The following ANO10 variants were observed in gnomAD, a reference collection of about 807,000 sequenced individuals.
The protein encoded by ANO10 is anoctamin 10.
Under a neutral mutation model 74.7 loss-of-function variants are expected in ANO10, and 77 were observed. The ratio of observed to expected loss-of-function variants is 1.03; its 90% CI spans 0.86 to 1.25. The LOEUF is 1.25. Ranked by LOEUF, ANO10 falls within the 50% of genes most tolerant of loss-of-function variation. The probability of loss-of-function intolerance (pLI) is 0.00; values close to 1 mark genes in which losing one functional copy is unlikely to be tolerated. For missense variants in ANO10, 721 were observed against 778.1 expected (o/e 0.93, Z 0.87); for synonymous variants, 279 against 284.9 (o/e 0.98, Z 0.21).
chr3:43,656,741 C>G (rs2149571108), intron 1 of ANO10, among the ~76,000 whole-genome samples: 2 of 152,370 alleles, frequency 1.3e-5, no homozygotes, highest in African/African-American at 4.8e-5. Context: ...GCCAAGCCCA[C>G]GCCCACCTGG....
At chr3:43,548,177 T>C (rs2079287281) in intron 11 of ANO10, among the ~76,000 whole-genome samples, 1 of 152,208 alleles carries the variant, frequency 6.6e-6, no homozygotes, top group Non-Finnish European at 1.5e-5. Context: ...TTTCATGAGT[T>C]TTAAGTTTCA....
At position 43,598,663 on chromosome 3, in the gene ANO10, T is replaced by C. The variant is rs1486788304; in HGVS notation, c.341A>G (p.Asn114Ser). 6 of 1,600,000 alleles carry C rather than the reference T, an allele frequency of 3.8e-6. No individual in the cohort carries two copies. The African/African-American group carries it at 8.0e-5, about 21-fold the overall frequency. The change falls in exon 4 of 13, where the codon AAC becomes AGC. Residue 114 changes from asparagine (N) to serine (S), a missense_variant. Asn to Ser is a conservative substitution (Grantham distance 46). Coordinates refer to ENST00000292246, the MANE Select transcript of ANO10 (RefSeq NM_018075.5). ...TGCCATTGTCAGGAAATCATCATTG[T>C]TATCTAAAATAAAACAGAAATTACC... Reference protein sequence around the residue: ...TRQNFKGFDDNNDDFLTMAEC... With the variant: ...TRQNFKGFDDSNDDFLTMAEC...
At chr3:43,681,263 G>A (rs2149582095) in intron 1 of ANO10, among the ~76,000 whole-genome samples, 1 of 151,988 alleles carries the variant, frequency 6.6e-6, no homozygotes. Flanking sequence ...AACAAAAAAA[G>A]GCCGGGGCTG....
At chr3:43,397,825 A>G (rs1388954726) in intron 12 of ANO10, among the ~76,000 whole-genome samples, 1 of 152,164 alleles carries the variant, frequency 6.6e-6, no homozygotes, top group Admixed American at 6.5e-5. Context: ...GGGCGAATGT[A>G]GAACTCAAAT....
chr3:43,501,203 G>A (rs2077088795), intron 11 of ANO10, among the ~76,000 whole-genome samples: 1 of 152,158 alleles, frequency 6.6e-6, no homozygotes, highest in African/African-American at 2.4e-5. Flanking sequence ...GTGAAGGGGA[G>A]CCAGCTATGC....
intron 11 of ANO10, among the ~76,000 whole-genome samples, chr3:43,512,432 C>T (rs896146198): frequency 1.3e-4 from 20 of 152,186 alleles, no homozygotes; most frequent in African/African-American, 4.6e-4. Context: ...AATGTTATGA[C>T]GTGGTACTAT....
At chr3:43,607,147 T>G (rs1273821047) in intron 1 of ANO10, among the ~76,000 whole-genome samples, 4 of 152,068 alleles carry the variant, frequency 2.6e-5, no homozygotes. Context: ...GAAACACTAT[T>G]GGTCCCAGCA....
intron 11 of ANO10, among the ~76,000 whole-genome samples, chr3:43,543,654 T>C (rs557616632): frequency 2.6e-5 from 4 of 152,342 alleles, no homozygotes; most frequent in Non-Finnish European, 4.4e-5. Context: ...CCCAAAGTGC[T>C]AGGATTACAG....
chr3:43,612,799 A>T (rs1331610880), intron 1 of ANO10, among the ~76,000 whole-genome samples: 1 of 152,164 alleles, frequency 6.6e-6, no homozygotes, highest in Admixed American at 6.5e-5. Flanking sequence ...TGAACCATTC[A>T]ACTTTTTTTT....
In ANO10 at chr3:43,527,036, A is replaced by AACACACACAC. The variant is rs56025632; in HGVS notation, c.1797+22674_1797+22683dup. ...TATATGGTACATACAATGGATGTAA[A>AACACACACAC]ACACACACACACACACACACACACA... is the stretch of plus-strand genomic sequence containing the variant. On this transcript the variant is annotated intron_variant, in intron 11 of 12. Coordinates refer to ENST00000292246, the MANE Select transcript of ANO10 (RefSeq NM_018075.5). Among the ~76,000 whole-genome samples the AACACACACAC allele has an allele frequency of 5.4e-3, 795 of 147,160 alleles. 4 individuals are homozygous for AACACACACAC. The highest frequency in any genetic ancestry group is 0.018 in the African/African-American group (730 of 39,900).
At chr3:43,495,231 C>G (rs142765619) in intron 11 of ANO10, among the ~76,000 whole-genome samples, 1 of 151,154 alleles carries the variant, frequency 6.6e-6, no homozygotes, top group Non-Finnish European at 1.5e-5. Flanking sequence ...TTTAAAAAAA[C>G]AAAAATAATT....
At chr3:43,417,486 T>TC (rs1479845851) in intron 12 of ANO10, among the ~76,000 whole-genome samples, 2 of 152,134 alleles carry the variant, frequency 1.3e-5, no homozygotes, top group Non-Finnish European at 2.9e-5. Context: ...TACCGGTTGC[T>TC]CTTTTCCTCT....
At chr3:43,573,125 TTA>T (rs111826101) in intron 7 of ANO10, among the ~76,000 whole-genome samples, 2,711 of 152,198 alleles carry the variant, frequency 0.018, 73 homozygotes, top group African/African-American at 0.06. Context: ...GCTCCTCCTG[TTA>T]TATAACCTTT....
At chr3:43,593,201 G>T (rs143902024) in intron 4 of ANO10, among the ~76,000 whole-genome samples, 1 of 152,312 alleles carries the variant, frequency 6.6e-6, no homozygotes, top group Non-Finnish European at 1.5e-5. Context: ...TATTATCCAA[G>T]AGAACTTCCC....
chr3:43,523,707 T>C (rs2078059770), intron 11 of ANO10, among the ~76,000 whole-genome samples: 1 of 152,168 alleles, frequency 6.6e-6, no homozygotes, highest in Admixed American at 6.5e-5. Context: ...TTGAGATCAC[T>C]GGGAGACATT....
chr3:43,452,070 C>G (rs1176234623), intron 11 of ANO10, among the ~76,000 whole-genome samples: 11 of 152,244 alleles, frequency 7.2e-5, no homozygotes, highest in Middle Eastern at 3.4e-3. Flanking sequence ...TAGAACAATT[C>G]TAACTTATTT....
chr3:43,402,383 T>C (rs1043408486), intron 12 of ANO10, among the ~76,000 whole-genome samples: 2 of 152,148 alleles, frequency 1.3e-5, no homozygotes, highest in Non-Finnish European at 2.9e-5. Context: ...TATTTATCAT[T>C]CCCATGTTTC....
chr3:43,598,652 A>T lies in ANO10; in HGVS notation c.352T>A (p.Phe118Ile). ...FKGFDDNNDDFLTMAECQFII... is the reference protein window; with the variant it reads ...FKGFDDNNDDILTMAECQFII... ...AATTGACATTCTGCCATTGTCAGGA[A>T]ATCATCATTGTTATCTAAAATAAAA... Residue 118 changes from phenylalanine (F) to isoleucine (I), a missense_variant, in exon 4 of 13, where the codon TTC (phenylalanine) becomes ATC (isoleucine). By Grantham distance (21) the Phe-to-Ile change is conservative. Coordinates refer to ENST00000292246, the MANE Select transcript of ANO10 (RefSeq NM_018075.5). The T allele has an allele frequency of 1.2e-6, 2 of 1,606,442 alleles. No individual in the cohort carries two copies. The highest frequency in any genetic ancestry group is 2.2e-5 in the South Asian group (2 of 90,022).
chr3:43,458,346 C>A lies in ANO10; in HGVS notation c.1798-25619G>T, dbSNP rs1575894104. Among the ~76,000 whole-genome samples, 6 of 152,262 alleles carry A rather than the reference C, an allele frequency of 3.9e-5. No homozygotes were observed. In the South Asian group the frequency reaches 8.3e-4, roughly 21 times the overall value. ...AAATCTGTTCTAAGAAGAAGTTTCA[C>A]AAAGAATCCAGGATACCTGTTTTTT... On this transcript the variant is annotated intron_variant, in intron 11 of 12. Coordinates refer to ENST00000292246, the MANE Select transcript of ANO10 (RefSeq NM_018075.5).
Sources: allele counts gnomAD v4.1 joint callset (sites outside exome capture counted in the v4.1 genomes callset), GRCh38; gene constraint gnomAD v4.1.1; transcripts MANE v1.5; gene names NCBI Gene and HGNC (gene_info 2026-07-23, HGNC 2026-07-21).